Variants in RAD51B observed in about 807,000 individuals in gnomAD.
RAD51B encodes DNA repair protein RAD51 homolog 2.
In RAD51B, 38 loss-of-function variants were observed where a neutral mutation model predicts 42.2. The observed-to-expected ratio is 0.90, with a 90% CI of 0.70 to 1.18. The LOEUF (loss-of-function observed/expected upper bound fraction) is 1.18. RAD51B is among the 50% of genes most tolerant of loss of function. The probability of loss-of-function intolerance (pLI) is 0.00; values close to 1 mark genes in which losing one functional copy is unlikely to be tolerated. For synonymous variants in RAD51B, 154 were observed against 145.2 expected, an observed-to-expected ratio of 1.06 and a Z score of -0.43; for missense variants, 373 against 400.7, an observed-to-expected ratio of 0.93 and a Z score of 0.59.
At chr14:68,639,781 G>GTTTTGTT (rs375276876) in intron 10 of RAD51B, among the ~76,000 whole-genome samples, 9 of 151,896 alleles carry the variant, frequency 5.9e-5, no homozygotes, top group Non-Finnish European at 1.3e-4. Context: ...TTTTTTTGTT[G>GTTTTGTT]TTTTGTTTTT....
chr14:67,842,824 A>AT (rs2041474063), intron 4 of RAD51B, among the ~76,000 whole-genome samples: 1 of 152,076 alleles, frequency 6.6e-6, no homozygotes, highest in Non-Finnish European at 1.5e-5. Context: ...AATGGGTCTT[A>AT]GTATTTTGAG....
intron 4 of RAD51B, among the ~76,000 whole-genome samples, chr14:67,858,939 T>C (rs561857724): frequency 9.8e-5 from 15 of 152,362 alleles, no homozygotes; most frequent in African/African-American, 3.6e-4. Context: ...GAAAGTTCCA[T>C]AAAAATGTTT....
At chr14:68,613,407 A>C (rs915000581), downstream of RAD51B, among the ~76,000 whole-genome samples, 46 of 147,368 alleles carry the variant, frequency 3.1e-4, no homozygotes. Context: ...AACAATAGCA[A>C]AACTCTGTCT....
chr14:68,608,081 G>A (rs1176535416), intron 10 of RAD51B, among the ~76,000 whole-genome samples: 1 of 152,200 alleles, frequency 6.6e-6, no homozygotes, highest in African/African-American at 2.4e-5. Context: ...GAGGGCGGTA[G>A]GCCTGAGGGT....
intron 7 of RAD51B, among the ~76,000 whole-genome samples, chr14:67,896,950 G>C (rs2043441594): frequency 6.6e-6 from 1 of 152,138 alleles, no homozygotes; most frequent in Admixed American, 6.5e-5. Context: ...GCGCATGTGT[G>C]GTCAATTGAT....
chr14:68,584,380 G>A (rs879847345), intron 10 of RAD51B, among the ~76,000 whole-genome samples: 3 of 152,188 alleles, frequency 2.0e-5, no homozygotes, highest in Admixed American at 6.5e-5. Context: ...TATAGCCAGG[G>A]TGTTGGTGGG....
At chr14:68,083,791 T>G (rs1248089168) in intron 7 of RAD51B, among the ~76,000 whole-genome samples, 2 of 152,186 alleles carry the variant, frequency 1.3e-5, no homozygotes, top group Non-Finnish European at 2.9e-5. Context: ...AGAGTTCTGC[T>G]TATTTATTTT....
chr14:68,024,436 T>C (rs2075919057), intron 7 of RAD51B, among the ~76,000 whole-genome samples: 2 of 152,324 alleles, frequency 1.3e-5, no homozygotes, highest in African/African-American at 4.8e-5. Context: ...AGTGTGACCA[T>C]TTTAATTATA....
Position 68,119,564 on chromosome 14 carries a change from C to T in RAD51B, c.757-172320C>T, listed in dbSNP as rs543799377. Among the ~76,000 whole-genome samples, 40 of 141,462 alleles carry T rather than the reference C, an allele frequency of 2.8e-4. 1 individual carries two copies. In the South Asian group the frequency reaches 9.0e-3, roughly 32 times the overall value. The allele number at this position is 141,462 out of a possible 152,430, so 92.8% of individuals were successfully genotyped here. ...ATTCCCACCTATGAGTGAGAATATGCGGTGTTTGGTTTTTTGTTCTTGCGA... is the reference window on the plus strand; with the variant it reads ...ATTCCCACCTATGAGTGAGAATATGTGGTGTTTGGTTTTTTGTTCTTGCGA... On this transcript the variant is annotated intron_variant, in intron 7 of 10. Coordinates refer to ENST00000471583, the MANE Select transcript of RAD51B (RefSeq NM_133510.4).
chr14:68,295,763 G>C (rs943344718), intron 8 of RAD51B, among the ~76,000 whole-genome samples: 1 of 152,120 alleles, frequency 6.6e-6, no homozygotes, highest in Non-Finnish European at 1.5e-5. Flanking sequence ...TCATTTTATC[G>C]CTGGCTGCTC....
At chr14:68,509,582 C>T (rs1182149746) in intron 10 of RAD51B, among the ~76,000 whole-genome samples, 3 of 152,180 alleles carry the variant, frequency 2.0e-5, no homozygotes, top group Non-Finnish European at 4.4e-5. Context: ...AGGAAGGAAC[C>T]TAGACTTTGG....
intron 7 of RAD51B, among the ~76,000 whole-genome samples, chr14:67,958,339 T>C (rs531454182): frequency 3.9e-5 from 6 of 152,336 alleles, no homozygotes; most frequent in African/African-American, 1.4e-4. Context: ...AACTCAGAAG[T>C]GGAGTTTACT....
chr14:68,056,281 C>T (rs2076472797), intron 7 of RAD51B, among the ~76,000 whole-genome samples: 1 of 152,058 alleles, frequency 6.6e-6, no homozygotes, highest in Non-Finnish European at 1.5e-5. Flanking sequence ...ACCTCAGCCT[C>T]CCAAGTAGCA....
At position 68,125,077 on chromosome 14, in the gene RAD51B, C is replaced by T. The variant is rs1342469509; in HGVS notation, c.757-166807C>T. On this transcript the variant is annotated intron_variant, in intron 7 of 10. Transcript: ENST00000471583. ...TATTTAAAATGTTACATCAGGGAGTCATATGCTTTATGGTGCACTCATGCC... is the reference window on the plus strand; with the variant it reads ...TATTTAAAATGTTACATCAGGGAGTTATATGCTTTATGGTGCACTCATGCC... 2.0e-5 allele frequency: 3 copies of T among 152,144 alleles called. 1 individual carries two copies. In the South Asian group the frequency reaches 6.2e-4, roughly 31 times the overall value. 9.4% of individuals were successfully genotyped at this position (152,144 alleles called of 1,614,324 possible). A position where few individuals can be genotyped will look rare whatever the true frequency, so the allele number is the denominator to read the frequency against.
intron 11 of RAD51B, among the ~76,000 whole-genome samples, chr14:68,667,961 G>C (rs1466630925): frequency 2.0e-5 from 3 of 152,154 alleles, no homozygotes; most frequent in African/African-American, 7.2e-5. Context: ...TCCCCGTTGT[G>C]AGGCCTGTGG....
intron 10 of RAD51B, among the ~76,000 whole-genome samples, chr14:68,468,936 C>T (rs531818428): frequency 2.0e-5 from 3 of 152,236 alleles, no homozygotes; most frequent in East Asian, 3.9e-4. Context: ...GAAAGGCACC[C>T]GATTACAGGT....
At chr14:67,930,377 AGC>A (rs1394836465) in intron 7 of RAD51B, among the ~76,000 whole-genome samples, 1 of 151,720 alleles carries the variant, frequency 6.6e-6, no homozygotes, top group Non-Finnish European at 1.5e-5. Context: ...TTTCTTGAAG[AGC>A]TAGTCTAGTG....
At chr14:68,671,233 T>C (rs548354797) in intron 11 of RAD51B, among the ~76,000 whole-genome samples, 2 of 152,268 alleles carry the variant, frequency 1.3e-5, no homozygotes, top group South Asian at 4.1e-4. Flanking sequence ...AGGAAGGAGA[T>C]AGGAGGAAGA....
At chr14:68,196,693 T>G (rs2079380362) in intron 7 of RAD51B, among the ~76,000 whole-genome samples, 1 of 152,180 alleles carries the variant, frequency 6.6e-6, no homozygotes, top group African/African-American at 2.4e-5. Flanking sequence ...TTAATATTAG[T>G]GGCCCACACT....
Sources: allele counts gnomAD v4.1 joint callset (sites outside exome capture counted in the v4.1 genomes callset), GRCh38; gene constraint gnomAD v4.1.1; transcripts MANE v1.5; gene names NCBI Gene and HGNC (gene_info 2026-07-23, HGNC 2026-07-21).